Variants in OLFM1 observed in about 807,000 individuals in gnomAD.
OLFM1 encodes olfactomedin 1, also known as noelin.
Under a neutral mutation model 49.7 loss-of-function variants are expected in OLFM1, and 9 were observed. The ratio of observed to expected loss-of-function variants is 0.18; its 90% CI spans 0.11 to 0.32. The LOEUF (loss-of-function observed/expected upper bound fraction) is 0.32. OLFM1 is among the 10% of genes least tolerant of loss of function. The probability of loss-of-function intolerance (pLI) is 1.00; values close to 1 mark genes in which losing one functional copy is unlikely to be tolerated. For synonymous variants in OLFM1, 240 were observed against 271.8 expected (o/e 0.88, Z 1.15); for missense variants, 369 against 661.8 (o/e 0.56, Z 4.85).
chr9:135,103,161 A>G (rs1830893921), intron 4 of OLFM1, among the ~76,000 whole-genome samples: 1 of 152,076 alleles, frequency 6.6e-6, no homozygotes, highest in African/African-American at 2.4e-5. Context: ...TGAGCCTCCA[A>G]CAGTGCAGGA....
upstream of OLFM1, chr9:135,087,127 AG>A (rs1022247958): frequency 3.1e-5 from 32 of 1,033,280 alleles, no homozygotes; most frequent in Non-Finnish European, 3.6e-5. Context: ...CTGGGATCGC[AG>A]GGGCGCCTTT....
At chr9:135,116,613 G>T (rs1336704498) in intron 5 of OLFM1, among the ~76,000 whole-genome samples, 2 of 152,118 alleles carry the variant, frequency 1.3e-5, no homozygotes, top group Non-Finnish European at 2.9e-5. Flanking sequence ...CGATGGCAGG[G>T]GTGGTTCCCC....
At chr9:135,118,900 T>G (rs1831141961) in intron 5 of OLFM1, among the ~76,000 whole-genome samples, 1 of 151,418 alleles carries the variant, frequency 6.6e-6, no homozygotes, top group Non-Finnish European at 1.5e-5. Flanking sequence ...ACTGGGTCTT[T>G]GGAGTGCTCG....
chr9:135,112,204 G>A (rs1009938516), intron 5 of OLFM1, among the ~76,000 whole-genome samples: 11 of 144,150 alleles, frequency 7.6e-5, no homozygotes, highest in African/African-American at 1.0e-4. Flanking sequence ...TGCACTGGCC[G>A]CTGATCGCCA....
upstream of OLFM1, chr9:135,086,473 G>A (rs139669044): frequency 5.2e-6 from 2 of 381,206 alleles, no homozygotes; most frequent in African/African-American, 4.2e-5. Flanking sequence ...CGCCAGGGAG[G>A]CGCGCTCCTT....
intron 1 of OLFM1, among the ~76,000 whole-genome samples, chr9:135,078,598 A>T (rs560566732): frequency 1.3e-5 from 2 of 152,350 alleles, no homozygotes; most frequent in African/African-American, 4.8e-5. Context: ...ATTTTCAACA[A>T]AAGACTGGTA....
upstream of OLFM1, among the ~76,000 whole-genome samples, chr9:135,085,041 G>A (rs763911127): frequency 4.6e-5 from 7 of 152,214 alleles, no homozygotes; most frequent in South Asian, 2.1e-4. Flanking sequence ...CTCTGAAGCC[G>A]GGAGATGCAG....
intron 4 of OLFM1, among the ~76,000 whole-genome samples, chr9:135,102,360 G>T (rs908763923): frequency 2.0e-5 from 3 of 152,228 alleles, no homozygotes; most frequent in Non-Finnish European, 4.4e-5. Flanking sequence ...AGCACACATG[G>T]TGCGTTCAAG....
intron 4 of OLFM1, among the ~76,000 whole-genome samples, chr9:135,102,567 G>T (rs550439426): frequency 6.6e-6 from 1 of 152,164 alleles, no homozygotes; most frequent in South Asian, 2.1e-4. Context: ...CCTGCCATGC[G>T]AGGAAGAGGG....
At chr9:135,111,713 G>A (rs777989104) in intron 5 of OLFM1, among the ~76,000 whole-genome samples, 8 of 152,050 alleles carry the variant, frequency 5.3e-5, no homozygotes, top group Non-Finnish European at 8.8e-5. Context: ...TGACCTTTAG[G>A]ATATTCTTTT....
upstream of OLFM1, among the ~76,000 whole-genome samples, chr9:135,085,697 C>T (rs181569059): frequency 1.2e-4 from 18 of 152,374 alleles, no homozygotes; most frequent in Non-Finnish European, 2.5e-4. Flanking sequence ...TTGCCTGGCG[C>T]CATGGATCCC....
At position 135,088,348 on chromosome 9, in the gene OLFM1, T is replaced by A. The variant is rs1005543256; in HGVS notation, c.150+209T>A. The stretch of plus-strand genomic sequence containing the variant: ...CGCTCCCCCAGCCTGGGCCACTCCA[T>A]CTCCGCCCGCGCGCCCCTGGGGCGG... On this transcript the variant is annotated intron_variant, in intron 1 of 5. Coordinates refer to ENST00000371793, the MANE Select transcript of OLFM1 (RefSeq NM_001282611.2). The surrounding 1 kb of genome is among the most constrained non-coding windows in gnomAD (Gnocchi z 4.8). Among the ~76,000 whole-genome samples, 13 of 151,274 alleles carry A rather than the reference T, an allele frequency of 8.6e-5. No homozygotes were observed. The highest frequency in any genetic ancestry group is 7.4e-5 in the Non-Finnish European group (5 of 67,750).
chr9:135,081,653 C>A (rs554869497), intron 1 of OLFM1, among the ~76,000 whole-genome samples: 1 of 152,308 alleles, frequency 6.6e-6, no homozygotes, highest in East Asian at 1.9e-4. Flanking sequence ...AATGTCTCAG[C>A]ATGTGCATGA....
At chr9:135,078,812 C>G (rs1179816761) in intron 1 of OLFM1, among the ~76,000 whole-genome samples, 1 of 152,168 alleles carries the variant, frequency 6.6e-6, no homozygotes. Context: ...GGCTGGGAAG[C>G]TTTGTAGCAA....
upstream of OLFM1, among the ~76,000 whole-genome samples, chr9:135,084,449 C>CCTCTCTCTGTCTCTCTT (rs10672691): frequency 6.9e-6 from 1 of 145,676 alleles, no homozygotes; most frequent in Non-Finnish European, 1.5e-5. This position sits in a 1 kb window ranked among gnomAD's most constrained non-coding sequence, Gnocchi z 4.6. Flanking sequence ...TATTATCTCT[C>CCTCTCTCTGTCTCTCTT]CTCTCTGTCT....
intron 4 of OLFM1, 36 bp from the exon 5 acceptor site, chr9:135,106,713 C>T (rs532936979): frequency 2.4e-5 from 38 of 1,582,176 alleles, no homozygotes; most frequent in Non-Finnish European, 2.9e-5. Flanking sequence ...CCGGGGCCCC[C>T]GCCCTCCCTC....
chr9:135,075,938 G>C, intron 1 of OLFM1: 1 of 1,415,612 alleles, frequency 7.1e-7, no homozygotes, highest in Non-Finnish European at 9.2e-7. Flanking sequence ...TGCCGGGGTT[G>C]GGGAGGGGGC....
rs568306854 is a variant in OLFM1 at position 135,118,526 on chromosome 9, C to T, written c.784-978C>T. Among the ~76,000 whole-genome samples, 22 of 149,506 alleles carry T rather than the reference C, an allele frequency of 1.5e-4. No individual in the cohort carries two copies. In the South Asian group the frequency reaches 3.6e-3, roughly 25 times the overall value. On this transcript the variant is annotated intron_variant, in intron 5 of 5. Transcript: ENST00000371793. ...GTGCTCGCTGGGTCTTTGGAATGCTCGCTGGGTCTTTGGAATGCTCGCTGG... is the reference window on the plus strand; with the variant it reads ...GTGCTCGCTGGGTCTTTGGAATGCTTGCTGGGTCTTTGGAATGCTCGCTGG...
At chr9:135,110,249 T>C (rs544701925) in intron 5 of OLFM1, among the ~76,000 whole-genome samples, 54 of 152,238 alleles carry the variant, frequency 3.5e-4, no homozygotes, top group African/African-American at 1.2e-3. Flanking sequence ...GCTCGGAGGC[T>C]TCTGGCCTGC....
Sources: gnomAD v4.1 joint callset for allele counts (sites outside exome capture counted in the v4.1 genomes callset) on GRCh38, gnomAD v4.1.1 for gene constraint, Gnocchi (gnomAD v3.1) non-coding constraint, MANE v1.5 for transcripts, NCBI Gene and HGNC (gene_info 2026-07-23, HGNC 2026-07-21) for gene names.